The following MTRR variants were observed in gnomAD, a reference collection of about 807,000 sequenced individuals.
MTRR encodes the protein methionine synthase reductase.
Under a neutral mutation model 79.2 loss-of-function variants are expected in MTRR, and 63 were observed. The ratio of observed to expected loss-of-function variants is 0.80; its 90% CI spans 0.65 to 0.98. The LOEUF (loss-of-function observed/expected upper bound fraction) is 0.98, where lower values mean the gene tolerates loss of function less well. Among genes scored for constraint, MTRR ranks in the 50% least tolerant of loss-of-function variants. The pLI, the probability that MTRR is intolerant of heterozygous loss-of-function variation, is 0.00. For synonymous variants in MTRR, 355 were observed against 313.3 expected, an observed-to-expected ratio of 1.13 and a Z score of -1.41; for missense variants, 895 against 839.6, an observed-to-expected ratio of 1.07 and a Z score of -0.82.
At chr5:7,867,575 G>A (rs1747085328), upstream of MTRR, 1 of 1,614,200 alleles carries the variant, frequency 6.2e-7, no homozygotes, top group Non-Finnish European at 8.5e-7. Context: ...CAGCTGTGAG[G>A]GCTCCTTTTC....
rs770826753 is a variant in MTRR, at chr5:7,889,203, G to C, written c.1255G>C (p.Asp419His). ...AGCCGATTATAGCCGCTTTGTACGA[G>C]ATGCCTGTGCCTGCTTGTTGGATCT... ...GAADYSRFVR[D>H]ACACLLDLLL... The change falls in exon 9 of 15, where the codon GAT becomes CAT. Residue 419 changes from aspartate (D) to histidine (H), a missense_variant. Coordinates refer to ENST00000440940, the MANE Select transcript of MTRR (RefSeq NM_002454.3). 1.2e-6 allele frequency: 2 copies of C among 1,613,886 alleles called. No homozygotes were observed. Among genetic ancestry groups the C allele is most frequent in the Non-Finnish European group, 1.7e-6 (2 of 1,180,046 alleles).
At chr5:7,867,311 G>C (rs753902865), upstream of MTRR, 1 of 1,613,620 alleles carries the variant, frequency 6.2e-7, no homozygotes, top group Non-Finnish European at 8.5e-7. Flanking sequence ...TCTATAAAGG[G>C]CCACAATATC....
chr5:7,884,886 A>G (rs908223016), intron 6 of MTRR, among the ~76,000 whole-genome samples: 2 of 152,264 alleles, frequency 1.3e-5, no homozygotes, highest in African/African-American at 2.4e-5. Flanking sequence ...AGAAAAAAAT[A>G]CAATGTGTCA....
chr5:7,865,172 TAGAAA>T (rs1746854286), upstream of MTRR, among the ~76,000 whole-genome samples: 2 of 152,192 alleles, frequency 1.3e-5, no homozygotes, highest in African/African-American at 4.8e-5. Context: ...CATTTGGGCG[TAGAAA>T]CTGCTTTTAA....
intron 9 of MTRR, among the ~76,000 whole-genome samples, chr5:7,889,844 C>G (rs1004216476): frequency 6.6e-6 from 1 of 152,120 alleles, no homozygotes; most frequent in African/African-American, 2.4e-5. Context: ...ATGGTACTGC[C>G]AGGCAGAGAA....
At chr5:7,887,299 G>GTTTTTTTTTTTTTTTTTTTTT (rs1463945543) in intron 8 of MTRR, among the ~76,000 whole-genome samples, 1 of 151,912 alleles carries the variant, frequency 6.6e-6, no homozygotes, top group Non-Finnish European at 1.5e-5. Flanking sequence ...ACCAGGAACT[G>GTTTTTTTTTTTTTTTTTTTTT]TTTTTTTAAA....
At chr5:7,873,701 G>T (rs987194135) in intron 3 of MTRR, among the ~76,000 whole-genome samples, 175 bp downstream of exon 3, 2 of 152,128 alleles carry the variant, frequency 1.3e-5, no homozygotes, top group African/African-American at 4.8e-5. Flanking sequence ...ATCTTCCCCA[G>T]ACTTTACCCC....
intron 1 of MTRR, among the ~76,000 whole-genome samples, chr5:7,854,051 T>C (rs1746153358): frequency 1.3e-5 from 2 of 152,200 alleles, no homozygotes; most frequent in South Asian, 2.1e-4. Flanking sequence ...TTTAGTTCCT[T>C]TTTTAAAAAT....
chr5:7,897,300 G>T, intron 14 of MTRR, 53 bp downstream of exon 14: 6 of 1,579,852 alleles, frequency 3.8e-6, no homozygotes, highest in Admixed American at 1.7e-5. Flanking sequence ...AGTGATGTCT[G>T]TAGAAGAAAA....
At position 7,897,120 on chromosome 5, in the gene MTRR, T is replaced by A. The variant is rs981325394; in HGVS notation, c.1825T>A (p.Phe609Ile). 1 of 1,614,236 alleles carries A rather than the reference T, an allele frequency of 6.2e-7. No individual in the cohort carries two copies. Among genetic ancestry groups the A allele is most frequent in the African/African-American group, 1.3e-5 (1 of 75,060 alleles). Residue 609 changes from phenylalanine to isoleucine, a missense_variant, in exon 14 of 15, where the codon TTC becomes ATC. By Grantham distance (21) the Phe-to-Ile change is conservative. Coordinates refer to ENST00000440940, the MANE Select transcript of MTRR (RefSeq NM_002454.3). ...GATCTTAACTCATCTAAAGGTTTCCTTCTCAAGAGATGCTCCTGTTGGGGA... is the reference window on the plus strand; with the variant it reads ...GATCTTAACTCATCTAAAGGTTTCCATCTCAAGAGATGCTCCTGTTGGGGA... ...HGILTHLKVS[F>I]SRDAPVGEEE...
At chr5:7,855,971 G>T (rs547345022) in intron 1 of MTRR, among the ~76,000 whole-genome samples, 3 of 152,294 alleles carry the variant, frequency 2.0e-5, no homozygotes, top group Admixed American at 2.0e-4. Flanking sequence ...CACCACAGGA[G>T]CCTAGAGACA....
rs565084211 is a variant in MTRR, at chr5:7,886,319, A to G, written c.1058-296A>G. ...GTCCTAAATTGATTTTTTGAGAAGA[A>G]TAATGCTAATGGAGTACTGCTGTCT... On this transcript the variant is annotated intron_variant, in intron 7 of 14. Coordinates refer to ENST00000440940, the MANE Select transcript of MTRR (RefSeq NM_002454.3). Among the ~76,000 whole-genome samples the G allele has an allele frequency of 2.0e-4, 30 of 152,246 alleles. No individual in the cohort carries two copies. The South Asian group carries it at 6.2e-3, about 32-fold the overall frequency.
chr5:7,880,569 A>G (rs1009681444), intron 5 of MTRR, among the ~76,000 whole-genome samples: 19 of 152,206 alleles, frequency 1.2e-4, no homozygotes, highest in African/African-American at 4.1e-4. Context: ...GAGATACGAT[A>G]GAGACCATCC....
upstream of MTRR, among the ~76,000 whole-genome samples, chr5:7,866,408 G>A (rs550315284): frequency 2.1e-4 from 32 of 151,878 alleles, no homozygotes; most frequent in African/African-American, 6.8e-4. Flanking sequence ...TCCTAAGAAT[G>A]CTGCAATTTC....
At chr5:7,885,269 G>A (rs1300567416) in intron 6 of MTRR, 1 of 188,108 alleles carries the variant, frequency 5.3e-6, no homozygotes, top group East Asian at 1.5e-4. Flanking sequence ...GTAAGGAGAA[G>A]AAAATTGAAA....
At chr5:7,891,446 T>C in intron 10 of MTRR, 32 bp downstream of exon 10, 2 of 1,573,286 alleles carry the variant, frequency 1.3e-6, no homozygotes, top group Non-Finnish European at 1.7e-6. Flanking sequence ...ATATATAGCA[T>C]TGTTTCTCCA....
chr5:7,875,474 C>T, intron 4 of MTRR, 99 bp downstream of exon 4: 2 of 1,100,302 alleles, frequency 1.8e-6, no homozygotes, highest in Non-Finnish European at 2.8e-6. Context: ...CTGAAATTTT[C>T]CTCATGTTTT....
At chr5:7,889,627 A>G (rs1737215095) in intron 9 of MTRR, among the ~76,000 whole-genome samples, 1 of 152,098 alleles carries the variant, frequency 6.6e-6, no homozygotes, top group Non-Finnish European at 1.5e-5. Context: ...CTTTTTTCAG[A>G]AAGGTTGTTT....
Position 7,869,215 on chromosome 5 carries a change from G to A in MTRR, c.-26G>A, listed in dbSNP as rs148267849. On this transcript the variant is annotated splice_region_variant and 5_prime_UTR_variant, in exon 1 of 15. Transcript: ENST00000440940. ...GTTCGTGCCCGGCTGGCGCGGCGTGGGTAAGCTGCCTGTCGGCTACGGTTC... is the reference window on the plus strand; with the variant it reads ...GTTCGTGCCCGGCTGGCGCGGCGTGAGTAAGCTGCCTGTCGGCTACGGTTC... The A allele has an allele frequency of 7.5e-6, 12 of 1,606,432 alleles. No homozygotes were observed. The highest frequency in any genetic ancestry group is 2.2e-5 in the East Asian group (1 of 44,862).
Sources: allele counts gnomAD v4.1 joint callset (sites outside exome capture counted in the v4.1 genomes callset), GRCh38; gene constraint gnomAD v4.1.1; transcripts MANE v1.5; gene names NCBI Gene and HGNC (gene_info 2026-07-23, HGNC 2026-07-21).